Variants in NUTF2 observed in about 807,000 individuals in gnomAD.
NUTF2 encodes the protein nuclear transport factor 2.
Under a neutral mutation model 18.5 loss-of-function variants are expected in NUTF2, and 3 were observed. The ratio of observed to expected loss-of-function variants is 0.16; its 90% confidence interval spans 0.07 to 0.42. The LOEUF is 0.42. Among genes scored for constraint, NUTF2 ranks in the 10% least tolerant of loss-of-function variants. The pLI is 0.99. For missense variants in NUTF2, 44 were observed against 160.7 expected, an observed-to-expected ratio of 0.27 and a Z score of 3.93; for synonymous variants, 51 against 57.9, an observed-to-expected ratio of 0.88 and a Z score of 0.54.
chr16:67,856,074 C>T (rs945533773), intron 1 of NUTF2: 100 of 641,824 alleles, frequency 1.6e-4, no homozygotes, highest in Non-Finnish European at 2.6e-4. Context: ...CCAATCTGGA[C>T]GTCCCTGAAG....
Position 67,871,112 on chromosome 16 carries a change from GT to G in NUTF2, c.*201del, listed in dbSNP as rs1276274415. 4.4e-6 allele frequency: 2 copies of G among 451,070 alleles called. No individual in the cohort carries two copies. The highest frequency in any genetic ancestry group is 4.1e-5 in the African/African-American group (2 of 48,342). The allele number at this position is 451,070 out of a possible 1,614,324, so 27.9% of individuals were successfully genotyped here. ...GTTGCATCTGACGGGAGAAGTTTGT[GT>G]TGTACCAGCGCATGCCTTGGAAAGA... is the stretch of plus-strand genomic sequence containing the variant. On this transcript the variant is annotated 3_prime_UTR_variant, in exon 5 of 5. Transcript: ENST00000219169.
At chr16:67,866,129 G>A (rs1281916418) in intron 2 of NUTF2, among the ~76,000 whole-genome samples, 1 of 152,144 alleles carries the variant, frequency 6.6e-6, no homozygotes, top group African/African-American at 2.4e-5. Context: ...CCAGGATGGG[G>A]GTGTTAGGAG....
At chr16:67,869,747 T>G (rs1440231580) in intron 4 of NUTF2, among the ~76,000 whole-genome samples, 1 of 152,140 alleles carries the variant, frequency 6.6e-6, no homozygotes. Context: ...ATTGCACCAT[T>G]GCACTCTAGC....
At chr16:67,866,312 T>G (rs1443839927) in intron 2 of NUTF2, among the ~76,000 whole-genome samples, 1 of 151,386 alleles carries the variant, frequency 6.6e-6, no homozygotes, top group Non-Finnish European at 1.5e-5. Context: ...TAGAGTTTTT[T>G]TTTTTTTTTT....
At chr16:67,869,106 C>T (rs1283963159) in intron 4 of NUTF2, among the ~76,000 whole-genome samples, 1 of 145,474 alleles carries the variant, frequency 6.9e-6, no homozygotes, top group Non-Finnish European at 1.5e-5. Flanking sequence ...TTTTTTGAGA[C>T]GGAGTCTCAC....
chr16:67,872,401 CAGG>C lies in NUTF2; in HGVS notation c.*1491_*1493del, dbSNP rs1472838005. On this transcript the variant is annotated 3_prime_UTR_variant, in exon 5 of 5. Coordinates refer to ENST00000219169, the MANE Select transcript of NUTF2 (RefSeq NM_005796.3). ...GTGCTGTTTGAGAGGACAGCATGCTCAGGAGATTTCAGTGGGAATGATCTCTAG... is the reference window on the plus strand; with the variant it reads ...GTGCTGTTTGAGAGGACAGCATGCTCAGATTTCAGTGGGAATGATCTCTAG... 6 of 152,188 alleles carry C rather than the reference CAGG, an allele frequency of 3.9e-5. No homozygotes were observed. Among genetic ancestry groups the C allele is most frequent in the Non-Finnish European group, 7.3e-5 (5 of 68,058 alleles). 9.4% of individuals were successfully genotyped at this position (152,188 alleles called of 1,614,324 possible).
intron 1 of NUTF2, among the ~76,000 whole-genome samples, chr16:67,848,308 C>CG (rs2057823586): frequency 6.6e-6 from 1 of 152,150 alleles, no homozygotes; most frequent in Non-Finnish European, 1.5e-5. Context: ...TCAGGCCTGG[C>CG]GCGGTGGCTC....
chr16:67,854,342 A>C (rs1173604005), intron 1 of NUTF2, among the ~76,000 whole-genome samples: 2 of 152,154 alleles, frequency 1.3e-5, no homozygotes, highest in Non-Finnish European at 2.9e-5. Context: ...TTAAGTGCCC[A>C]ATAGTTGTTC....
intron 1 of NUTF2, chr16:67,847,317 C>T (rs2057811381): frequency 6.6e-6 from 1 of 152,404 alleles, no homozygotes; most frequent in African/African-American, 2.4e-5. Flanking sequence ...CCCGCCCCGT[C>T]TAGCCTGGCC....
At chr16:67,869,394 C>T (rs1292440628) in intron 4 of NUTF2, among the ~76,000 whole-genome samples, 2 of 151,228 alleles carry the variant, frequency 1.3e-5, no homozygotes, top group Non-Finnish European at 2.9e-5. Flanking sequence ...TTGCATTTTC[C>T]TTCCTCCTTC....
At chr16:67,869,725 C>T (rs1399733106) in intron 4 of NUTF2, among the ~76,000 whole-genome samples, 2 of 152,206 alleles carry the variant, frequency 1.3e-5, no homozygotes, top group African/African-American at 2.4e-5. Flanking sequence ...GCAGAGGTTG[C>T]GGTGAGCTGA....
At chr16:67,861,761 G>A (rs190849896) in intron 1 of NUTF2, among the ~76,000 whole-genome samples, 366 of 152,316 alleles carry the variant, frequency 2.4e-3, no homozygotes, top group African/African-American at 8.5e-3. Flanking sequence ...CTGAGCCCGG[G>A]CTTTTTTGTT....
At chr16:67,850,541 C>A (rs2057846672) in intron 1 of NUTF2, among the ~76,000 whole-genome samples, 1 of 152,108 alleles carries the variant, frequency 6.6e-6, no homozygotes, top group Admixed American at 6.6e-5. Context: ...GTCAGCTAGC[C>A]ATTGCTAGGC....
rs1370861355 is a variant in NUTF2, at chr16:67,871,125, A to G, written c.*212A>G. 1 of 409,544 alleles carries G rather than the reference A, an allele frequency of 2.4e-6. No individual in the cohort carries two copies. Among genetic ancestry groups the G allele is most frequent in the African/African-American group, 2.2e-5 (1 of 46,236 alleles). 25.4% of individuals were successfully genotyped at this position (409,544 alleles called of 1,614,324 possible). A position where few individuals can be genotyped will look rare whatever the true frequency, so the allele number is the denominator to read the frequency against. On this transcript the variant is annotated 3_prime_UTR_variant, in exon 5 of 5. Transcript: ENST00000219169. ...GGAGAAGTTTGTGTTGTACCAGCGCATGCCTTGGAAAGACTTAAGTAATGC... is the reference window on the plus strand; with the variant it reads ...GGAGAAGTTTGTGTTGTACCAGCGCGTGCCTTGGAAAGACTTAAGTAATGC...
At chr16:67,847,111 G>A (rs1233142468) in intron 1 of NUTF2, 126 bp downstream of exon 1, 1 of 148,076 alleles carries the variant, frequency 6.8e-6, no homozygotes, top group African/African-American at 2.5e-5. Context: ...GCGGCCCGAA[G>A]CCGCGCGGGG....
At chr16:67,855,918 C>A in intron 1 of NUTF2, 21 of 542,098 alleles carry the variant, frequency 3.9e-5, no homozygotes, top group Non-Finnish European at 5.7e-5. Context: ...ATGAGAATAA[C>A]TTTATTTCAT....
chr16:67,849,291 G>A (rs77019387), intron 1 of NUTF2, among the ~76,000 whole-genome samples: 4,632 of 152,284 alleles, frequency 0.03, 164 homozygotes, highest in Non-Finnish European at 0.04. Flanking sequence ...GCTGGCTTAC[G>A]GCTATGGCGT....
intron 1 of NUTF2, 83 bp downstream of exon 1, chr16:67,847,068 T>A (rs1278531045): frequency 7.2e-6 from 1 of 138,252 alleles, no homozygotes; most frequent in African/African-American, 2.8e-5. Flanking sequence ...CCGCTGAGAG[T>A]CCCCGGGCGG....
intron 2 of NUTF2, among the ~76,000 whole-genome samples, chr16:67,866,814 G>T (rs1490760536): frequency 6.6e-6 from 1 of 151,966 alleles, no homozygotes; most frequent in Non-Finnish European, 1.5e-5. Flanking sequence ...CACCATGTTG[G>T]CTAGGCTAGT....
Sources: allele counts gnomAD v4.1 joint callset (sites outside exome capture counted in the v4.1 genomes callset), GRCh38; gene constraint gnomAD v4.1.1; transcripts MANE v1.5; gene names NCBI Gene and HGNC (gene_info 2026-07-23, HGNC 2026-07-21).